Variants in GRK7 observed in about 807,000 individuals in gnomAD.
The protein encoded by GRK7 is G protein-coupled receptor kinase 7, also known as rhodopsin kinase GRK7.
A neutral mutation model predicts 34.1 loss-of-function variants in GRK7; 24 were observed. That is an observed-to-expected ratio of 0.70 (90% confidence interval 0.51 to 0.99). The LOEUF is 0.99. Ranked by LOEUF, GRK7 falls within the 50% of genes least tolerant of loss-of-function variation. GRK7 has a pLI of 0.00. For synonymous variants in GRK7, 256 were observed against 279.4 expected, an observed-to-expected ratio of 0.92 and a Z score of 0.84; for missense variants, 644 against 707.3, an observed-to-expected ratio of 0.91 and a Z score of 1.02.
At chr3:141,810,641 C>G (rs921428314) in intron 5 of GRK7, among the ~76,000 whole-genome samples, 1 of 152,082 alleles carries the variant, frequency 6.6e-6, no homozygotes, top group South Asian at 2.1e-4. Context: ...CTTGGCCTCC[C>G]GAGTAGCTGG....
intron 2 of GRK7, among the ~76,000 whole-genome samples, chr3:141,776,787 T>C (rs1228054922): frequency 1.3e-5 from 2 of 151,288 alleles, no homozygotes; most frequent in African/African-American, 2.5e-5. Context: ...CCAGCTTTTT[T>C]CCCCCTCCTT....
intron 4 of GRK7, among the ~76,000 whole-genome samples, chr3:141,787,161 G>A (rs1056043862): frequency 3.3e-5 from 5 of 152,182 alleles, no homozygotes; most frequent in Admixed American, 1.3e-4. Context: ...CATGACCAAA[G>A]AGCCCTGCCA....
the GRK7 span, among the ~76,000 whole-genome samples, chr3:141,752,203 A>G: frequency 6.6e-6 from 1 of 152,228 alleles, no homozygotes; most frequent in African/African-American, 2.4e-5. Context: ...AGGTTTTGTA[A>G]GAATTTCTTA....
chr3:141,811,593 G>C (rs1711092736), intron 5 of GRK7, among the ~76,000 whole-genome samples: 1 of 152,160 alleles, frequency 6.6e-6, no homozygotes, highest in African/African-American at 2.4e-5. Context: ...CAGTGAAACA[G>C]AAAATCTTCC....
At chr3:141,805,441 G>C (rs1711025757) in intron 4 of GRK7, among the ~76,000 whole-genome samples, 1 of 152,244 alleles carries the variant, frequency 6.6e-6, no homozygotes, top group Admixed American at 6.5e-5. Flanking sequence ...CTGGGCCTCA[G>C]AGGCGCCTAC....
chr3:141,816,837 C>T lies in GRK7; in HGVS notation c.1449C>T (p.Ile483=), dbSNP rs747251029. Reference sequence around the variant, plus strand: ...CTTCAGTGGTTTATGCCAAAGACATCGCTGAAATTGATGATTTCTCTGAGG... The same window carrying T: ...CTTCAGTGGTTTATGCCAAAGACATTGCTGAAATTGATGATTTCTCTGAGG... ...PDPSVVYAKD[I]AEIDDFSEVR... The change falls in exon 6 of 6, where the codon ATC becomes ATT. Residue 483 remains isoleucine, a synonymous_variant. Transcript: ENST00000682958. The T allele has an allele frequency of 2.4e-5, 39 of 1,613,724 alleles. No homozygotes were observed. In the East Asian group the frequency reaches 7.1e-4, roughly 29 times the overall value.
chr3:141,768,274 T>C (rs1401339424), intron 1 of GRK7, among the ~76,000 whole-genome samples: 1 of 150,534 alleles, frequency 6.6e-6, no homozygotes, highest in Non-Finnish European at 1.5e-5. Context: ...TGTCAGCCTT[T>C]TTTTTTTTTT....
the GRK7 span, among the ~76,000 whole-genome samples, chr3:141,750,699 T>G: frequency 3.9e-5 from 6 of 152,116 alleles, no homozygotes; most frequent in Admixed American, 3.3e-4. Context: ...ACTTATGATG[T>G]GTGTGTGCAG....
At chr3:141,791,359 G>T (rs184411638) in intron 4 of GRK7, among the ~76,000 whole-genome samples, 1 of 149,516 alleles carries the variant, frequency 6.7e-6, no homozygotes, top group African/African-American at 2.5e-5. Context: ...ATGCCCCCCA[G>T]TTTTTTTTTT....
At chr3:141,762,155 G>A (rs1449418963), upstream of GRK7, among the ~76,000 whole-genome samples, 1 of 150,328 alleles carries the variant, frequency 6.7e-6, no homozygotes, top group Non-Finnish European at 1.5e-5. Flanking sequence ...TCCATTGCTG[G>A]TGAGGAACTG....
chr3:141,778,551 C>T lies in GRK7; in HGVS notation c.267C>T (p.Asp89=), dbSNP rs56199819. Residue 89 remains aspartate, a synonymous_variant, in exon 3 of 6, where the codon GAC becomes GAT. Transcript: ENST00000682958. The surrounding 1 kb of genome is among the most constrained non-coding windows in gnomAD (Gnocchi z 4.1). ...TFRKAATFLE[D]VQNWELAEEG... is the part of the protein sequence containing the mutation. ...GCAAGGCGGCAACCTTCCTAGAGGA[C>T]GTGCAGAACTGGGAGCTGGCCGAGG... is the stretch of plus-strand genomic sequence containing the variant. 308 of 1,613,358 alleles carry T rather than the reference C, an allele frequency of 1.9e-4. 1 individual carries two copies. The highest frequency in any genetic ancestry group is 1.5e-3 in the African/African-American group (111 of 75,066).
rs374171948 is a variant in GRK7 at position 141,770,610 on chromosome 3, C to T, written c.-214-3970C>T. On this transcript the variant is annotated intron_variant, in intron 1 of 5. Coordinates refer to ENST00000682958, the MANE Select transcript of GRK7 (RefSeq NM_139209.3). ...TTGCTGTGGAAGGATTCAAATCAGA[C>T]GTTGCCAAAAGAAGACATATAAATG... Among the ~76,000 whole-genome samples, 7 of 150,072 alleles carry T rather than the reference C, an allele frequency of 4.7e-5. No homozygotes were observed. The East Asian group carries it at 7.8e-4, about 17-fold the overall frequency.
rs1711049869 is a variant in GRK7, at chr3:141,807,695, T to G, written c.1101T>G (p.Ser367Arg). 6.2e-7 allele frequency: 1 copy of G among 1,613,998 alleles called. No homozygotes were observed. Among genetic ancestry groups the G allele is most frequent in the Non-Finnish European group, 8.5e-7 (1 of 1,179,960 alleles). Residue 367 changes from serine (S) to arginine (R), a missense_variant, in exon 5 of 6, where the codon AGT (serine) becomes AGG (arginine). By Grantham distance (110) the Ser-to-Arg change is moderately radical (BLOSUM62 -1). Transcript: ENST00000682958. ...MAPEILMEKVSYSYPVDWFAM... is the reference protein window; with the variant it reads ...MAPEILMEKVRYSYPVDWFAM... ...CTGAGATCCTAATGGAAAAGGTAAG[T>G]TATTCCTATCCTGTGGACTGGTTTG...
At chr3:141,773,782 C>G (rs2084627155) in intron 1 of GRK7, among the ~76,000 whole-genome samples, 1 of 152,226 alleles carries the variant, frequency 6.6e-6, no homozygotes, top group African/African-American at 2.4e-5. Context: ...GCATTTAATT[C>G]TCTCAAAGCT....
chr3:141,786,729 G>A (rs1156451133), intron 4 of GRK7, among the ~76,000 whole-genome samples: 4 of 150,506 alleles, frequency 2.7e-5, no homozygotes, highest in African/African-American at 9.8e-5. Flanking sequence ...AGTAAGCCAA[G>A]ATCACGCCAC....
At chr3:141,800,493 T>C (rs1216590624) in intron 4 of GRK7, among the ~76,000 whole-genome samples, 2 of 152,114 alleles carry the variant, frequency 1.3e-5, no homozygotes, top group African/African-American at 4.8e-5. Context: ...AAGAGACTAT[T>C]TTTTAAAACT....
chr3:141,816,536 C>T (rs761564438), intron 5 of GRK7, among the ~76,000 whole-genome samples, 178 bp from the exon 6 acceptor site: 50 of 152,126 alleles, frequency 3.3e-4, no homozygotes, highest in Non-Finnish European at 1.5e-4. Context: ...TCTACTTATA[C>T]GGGAATTTGG....
At chr3:141,801,365 T>C (rs1030578518) in intron 4 of GRK7, among the ~76,000 whole-genome samples, 1 of 133,466 alleles carries the variant, frequency 7.5e-6, no homozygotes, top group East Asian at 2.1e-4. Context: ...ACATGTTAAA[T>C]GACACCACAG....
upstream of GRK7, among the ~76,000 whole-genome samples, chr3:141,759,469 C>T (rs1486712817): frequency 8.7e-5 from 12 of 138,712 alleles, no homozygotes; most frequent in South Asian, 5.2e-4. Flanking sequence ...TATTGATTTG[C>T]GTATATTGAA....
Sources: gnomAD v4.1 joint callset for allele counts (sites outside exome capture counted in the v4.1 genomes callset) on GRCh38, gnomAD v4.1.1 for gene constraint, Gnocchi (gnomAD v3.1) non-coding constraint, MANE v1.5 for transcripts, NCBI Gene and HGNC (gene_info 2026-07-23, HGNC 2026-07-21) for gene names.